ZC3H12B: variants seen among roughly 807,000 people sequenced by gnomAD.
ZC3H12B encodes the protein zinc finger CCCH-type containing 12B.
Under a neutral mutation model 43.9 loss-of-function variants are expected in ZC3H12B, and 7 were observed. The ratio of observed to expected loss-of-function variants is 0.16; its 90% confidence interval spans 0.09 to 0.30. The LOEUF (loss-of-function observed/expected upper bound fraction) is 0.30, where lower values mean the gene tolerates loss of function less well. ZC3H12B is among the 10% of genes least tolerant of loss of function. ZC3H12B has a pLI of 1.00. For synonymous variants in ZC3H12B, 222 were observed against 241.7 expected, an observed-to-expected ratio of 0.92 and a Z score of 0.76; for missense variants, 475 against 670.2, an observed-to-expected ratio of 0.71 and a Z score of 3.22.
At chrX:65,499,150 C>T in exon 3 of ZC3H12B, 1 of 1,211,239 alleles carries the variant, frequency 8.3e-7, no homozygotes, top group East Asian at 3.0e-5. Context: ...CCAATGATAA[C>T]TACCGAGACC....
chrX:65,168,801 A>T, the ZC3H12B span, among the ~76,000 whole-genome samples: 7 of 111,307 alleles, frequency 6.3e-5, no homozygotes, highest in Non-Finnish European at 1.3e-4. Flanking sequence ...TTATCCATTT[A>T]TTCTAGATTT....
chrX:65,199,873 C>T, the ZC3H12B span, among the ~76,000 whole-genome samples: 4 of 109,513 alleles, frequency 3.7e-5, no homozygotes, highest in Admixed American at 3.9e-4. Context: ...AGGTTGATTC[C>T]ATGTCTTTGC....
the ZC3H12B span, among the ~76,000 whole-genome samples, chrX:65,162,831 A>G: frequency 9.0e-5 from 10 of 111,662 alleles, no homozygotes; most frequent in Non-Finnish European, 1.7e-4. Context: ...CCTTTGGAGG[A>G]GAAGAGACGC....
the ZC3H12B span, among the ~76,000 whole-genome samples, chrX:65,250,017 C>T: frequency 9.1e-6 from 1 of 109,985 alleles, no homozygotes; most frequent in East Asian, 2.9e-4. Context: ...ATACATGTGC[C>T]ATGCTGGTGT....
the ZC3H12B span, among the ~76,000 whole-genome samples, chrX:65,089,196 T>G: frequency 9.0e-6 from 1 of 111,372 alleles, no homozygotes; most frequent in African/African-American, 3.3e-5. Context: ...TATTAGGCAA[T>G]TTTGTCATTG....
At chrX:65,430,147 G>T (rs933696019) in intron 3 of ZC3H12B, among the ~76,000 whole-genome samples, 1 of 111,664 alleles carries the variant, frequency 9.0e-6, no homozygotes, top group Non-Finnish European at 1.9e-5. Context: ...TGGAAATCTT[G>T]GGGCCAGATT....
chrX:65,363,210 T>C (rs917839242), upstream of ZC3H12B, among the ~76,000 whole-genome samples: 1 of 111,255 alleles, frequency 9.0e-6, no homozygotes, highest in African/African-American at 3.3e-5. Context: ...CCTTTGAATC[T>C]TCTCAACAAG....
the ZC3H12B span, chrX:65,186,453 C>A: frequency 9.7e-6 from 1 of 102,999 alleles, no homozygotes; most frequent in African/African-American, 3.6e-5. Context: ...GATCTCACCA[C>A]TGTACTCCAG....
the ZC3H12B span, among the ~76,000 whole-genome samples, chrX:65,078,719 A>C: frequency 9.0e-6 from 1 of 111,029 alleles, no homozygotes; most frequent in Admixed American, 9.5e-5. Context: ...CTTTGGAGGA[A>C]TTTTCTTTTA....
At chrX:65,058,301 G>C in the ZC3H12B span, among the ~76,000 whole-genome samples, 1 of 112,174 alleles carries the variant, frequency 8.9e-6, no homozygotes, top group Non-Finnish European at 1.9e-5. Flanking sequence ...CTTACAGTCA[G>C]GACCCTCAGC....
chrX:65,317,832 GTATA>G, the ZC3H12B span, among the ~76,000 whole-genome samples: 7 of 95,507 alleles, frequency 7.3e-5, no homozygotes, highest in South Asian at 4.8e-4. Context: ...TATACACACT[GTATA>G]TATACACGCA....
the ZC3H12B span, among the ~76,000 whole-genome samples, chrX:65,211,372 A>G: frequency 1.8e-5 from 2 of 109,080 alleles, no homozygotes; most frequent in Non-Finnish European, 3.8e-5. Context: ...AAATAACATA[A>G]AAAACCAAAG....
chrX:65,297,551 T>C, the ZC3H12B span, among the ~76,000 whole-genome samples: 1 of 111,448 alleles, frequency 9.0e-6, no homozygotes, highest in Non-Finnish European at 1.9e-5. Flanking sequence ...AGAATCAATA[T>C]TGTGAAAATG....
At chrX:65,313,625 A>G in the ZC3H12B span, among the ~76,000 whole-genome samples, 1 of 112,744 alleles carries the variant, frequency 8.9e-6, no homozygotes, top group South Asian at 3.6e-4. Context: ...CATTTTAACA[A>G]GCACAGAAAG....
chrX:65,141,129 G>C, the ZC3H12B span, among the ~76,000 whole-genome samples: 1 of 109,768 alleles, frequency 9.1e-6, no homozygotes, highest in Non-Finnish European at 1.9e-5. Flanking sequence ...CTAGCTCCTT[G>C]AGGTAAAGTT....
chrX:65,365,821 CT>C (rs750183263), upstream of ZC3H12B, among the ~76,000 whole-genome samples: 28 of 109,552 alleles, frequency 2.6e-4, no homozygotes, highest in Non-Finnish European at 1.9e-4. Flanking sequence ...ACCCCCACCC[CT>C]GTCCGCCAGA....
the ZC3H12B span, among the ~76,000 whole-genome samples, chrX:65,251,612 C>T: frequency 6.3e-5 from 7 of 111,474 alleles, no homozygotes; most frequent in African/African-American, 9.8e-5. Flanking sequence ...TCTTTTATTT[C>T]GTTGAGCAGT....
chrX:65,273,541 A>T, the ZC3H12B span, among the ~76,000 whole-genome samples: 1 of 111,946 alleles, frequency 8.9e-6, no homozygotes, highest in Non-Finnish European at 1.9e-5. Flanking sequence ...ATTTAAAGGC[A>T]TAATGGATAA....
chrX:65,372,889 AAG>A (rs1472155391), intron 2 of ZC3H12B, among the ~76,000 whole-genome samples: 1 of 112,174 alleles, frequency 8.9e-6, no homozygotes, highest in East Asian at 2.8e-4. Context: ...AAGACTGAAA[AAG>A]AAAAAATAGC....
Sources: allele counts gnomAD v4.1 joint callset (sites outside exome capture counted in the v4.1 genomes callset), GRCh38; gene constraint gnomAD v4.1.1; transcripts MANE v1.5; gene names NCBI Gene and HGNC (gene_info 2026-07-23, HGNC 2026-07-21).